The following TGFBR1 variants were observed in gnomAD, a reference collection of about 807,000 sequenced individuals.
TGFBR1 encodes transforming growth factor beta receptor 1.
A neutral mutation model predicts 55.1 loss-of-function variants in TGFBR1; 20 were observed. The observed-to-expected ratio is 0.36, with a 90% CI of 0.26 to 0.53. The LOEUF (loss-of-function observed/expected upper bound fraction) is 0.53, where lower values mean the gene tolerates loss of function less well. TGFBR1 is among the 20% of genes least tolerant of loss of function. The probability of loss-of-function intolerance (pLI) is 0.91; values close to 1 mark genes in which losing one functional copy is unlikely to be tolerated. For synonymous variants in TGFBR1, 220 were observed against 214.8 expected (o/e 1.02, Z -0.21); for missense variants, 385 against 617.6 (o/e 0.62, Z 3.99).
chr9:99,151,027 C>G lies in TGFBR1; in HGVS notation c.*1722C>G, dbSNP rs1395980617. 1 of 227,824 alleles carries G rather than the reference C, an allele frequency of 4.4e-6. No homozygotes were observed. The highest frequency in any genetic ancestry group is 2.2e-5 in the African/African-American group (1 of 45,042). 14.1% of individuals were successfully genotyped at this position (227,824 alleles called of 1,614,324 possible). A position where few individuals can be genotyped will look rare whatever the true frequency, so the allele number is the denominator to read the frequency against. The stretch of plus-strand genomic sequence containing the variant: ...CGATACAGGGTCAGAGTAACCCATA[C>G]AGTATTTTGGTCAGGAAGAGAAAGT... On this transcript the variant is annotated 3_prime_UTR_variant, in exon 9 of 9. Coordinates refer to ENST00000374994, the MANE Select transcript of TGFBR1 (RefSeq NM_004612.4).
intron 1 of TGFBR1, among the ~76,000 whole-genome samples, chr9:99,123,702 G>T (rs1257487211): frequency 6.6e-6 from 1 of 152,068 alleles, no homozygotes; most frequent in South Asian, 2.1e-4. Context: ...TTAATAAAAT[G>T]ACAGAACTGA....
At chr9:99,135,471 G>A (rs746576844) in intron 3 of TGFBR1, among the ~76,000 whole-genome samples, 2 of 152,162 alleles carry the variant, frequency 1.3e-5, no homozygotes, top group Admixed American at 6.5e-5. Context: ...ACTTAGTACC[G>A]TGACCATAAT....
At chr9:99,132,451 G>A (rs748733755) in intron 2 of TGFBR1, 58 bp from the exon 3 acceptor site, 21 of 1,605,692 alleles carry the variant, frequency 1.3e-5, no homozygotes, top group Non-Finnish European at 1.6e-5. Flanking sequence ...AATGGGGGTT[G>A]CCACCTACAG....
intron 3 of TGFBR1, among the ~76,000 whole-genome samples, chr9:99,133,174 A>T (rs1279106657): frequency 6.6e-6 from 1 of 152,238 alleles, no homozygotes; most frequent in Non-Finnish European, 1.5e-5. Context: ...ACAGAAATGT[A>T]TTCAGAATTG....
At chr9:99,103,756 C>T (rs1826328094), upstream of TGFBR1, among the ~76,000 whole-genome samples, 1 of 152,156 alleles carries the variant, frequency 6.6e-6, no homozygotes, top group Non-Finnish European at 1.5e-5. Context: ...GTGTCCTAGA[C>T]AGGAGGGAGA....
At chr9:99,130,011 A>G (rs993988422) in intron 2 of TGFBR1, among the ~76,000 whole-genome samples, 2 of 152,198 alleles carry the variant, frequency 1.3e-5, no homozygotes, top group Non-Finnish European at 2.9e-5. Flanking sequence ...GTCTGAGCAC[A>G]TGTATTTAAC....
Position 99,105,115 on chromosome 9 carries a change from C to T in TGFBR1, c.-91C>T, listed in dbSNP as rs11568745. The T allele has an allele frequency of 4.2e-4, 411 of 986,194 alleles. 3 individuals are homozygous for T. In the African/African-American group the frequency reaches 6.5e-3, roughly 16 times the overall value. 61.1% of individuals were successfully genotyped at this position (986,194 alleles called of 1,614,324 possible). On this transcript the variant is annotated 5_prime_UTR_variant, in exon 1 of 9. Transcript: ENST00000374994. ...AAGGGCCGGAGCGAGGCCGCCGCGG[C>T]GGCTAGGGAGGTGGGGCGAGGCGAG...
In TGFBR1 at chr9:99,154,089, G is replaced by A. The variant is rs200227864; in HGVS notation, c.*4784G>A. ...GATAGTTACTTCAATTTGAAGGCTGGATTTAGGGATTTTTTTTTTTCCTTA... is the reference window on the plus strand; with the variant it reads ...GATAGTTACTTCAATTTGAAGGCTGAATTTAGGGATTTTTTTTTTTCCTTA... On this transcript the variant is annotated 3_prime_UTR_variant, in exon 9 of 9. Coordinates refer to ENST00000374994, the MANE Select transcript of TGFBR1 (RefSeq NM_004612.4). 4.4e-6 allele frequency: 1 copy of A among 227,586 alleles called. No individual in the cohort carries two copies. Among genetic ancestry groups the A allele is most frequent in the Non-Finnish European group, 8.7e-6 (1 of 114,704 alleles). The allele number at this position is 227,586 out of a possible 1,614,324, so 14.1% of individuals were successfully genotyped here. A position where few individuals can be genotyped will look rare whatever the true frequency, so the allele number is the denominator to read the frequency against.
intron 1 of TGFBR1, among the ~76,000 whole-genome samples, chr9:99,118,647 T>C (rs10448292): frequency 0.2 from 29,362 of 146,388 alleles, 3,159 homozygotes; most frequent in Non-Finnish European, 0.25. Context: ...TTCTTTCTTT[T>C]TTTTTTTTTT....
Position 99,151,335 on chromosome 9 carries a change from C to G in TGFBR1, c.*2030C>G, listed in dbSNP as rs1257210003. The stretch of plus-strand genomic sequence containing the variant: ...TTGTTTTTATAGTTGTGTTGTATTA[C>G]TTGTTTAATAATAATCTCTAATTCT... On this transcript the variant is annotated 3_prime_UTR_variant, in exon 9 of 9. Transcript: ENST00000374994. 8.9e-6 allele frequency: 2 copies of G among 225,826 alleles called. No individual in the cohort carries two copies. Among genetic ancestry groups the G allele is most frequent in the African/African-American group, 4.5e-5 (2 of 44,026 alleles). The allele number at this position is 225,826 out of a possible 1,614,324, so 14.0% of individuals were successfully genotyped here. A position where few individuals can be genotyped will look rare whatever the true frequency, so the allele number is the denominator to read the frequency against.
intron 1 of TGFBR1, among the ~76,000 whole-genome samples, chr9:99,123,976 T>G (rs973952756): frequency 6.6e-6 from 1 of 152,212 alleles, no homozygotes; most frequent in African/African-American, 2.4e-5. Flanking sequence ...TATGTTTATT[T>G]TCCTGATGAA....
At chr9:99,114,099 T>C (rs1380206681) in intron 1 of TGFBR1, among the ~76,000 whole-genome samples, 1 of 152,214 alleles carries the variant, frequency 6.6e-6, no homozygotes, top group East Asian at 1.9e-4. Context: ...ATCTTGTTGC[T>C]CCTGTATTAT....
intron 3 of TGFBR1, among the ~76,000 whole-genome samples, chr9:99,136,380 CTTTTT>C (rs1193017798): frequency 6.6e-6 from 1 of 152,076 alleles, no homozygotes; most frequent in African/African-American, 2.4e-5. Flanking sequence ...ATTCCTTTTT[CTTTTT>C]TATTACTTGT....
chr9:99,134,438 C>T (rs549001352), intron 3 of TGFBR1, among the ~76,000 whole-genome samples: 1 of 152,214 alleles, frequency 6.6e-6, no homozygotes, highest in Non-Finnish European at 1.5e-5. Context: ...TTAGGCAGGC[C>T]TGGTGGACAG....
chr9:99,126,127 G>A (rs6478975), intron 1 of TGFBR1, among the ~76,000 whole-genome samples: 130 of 152,288 alleles, frequency 8.5e-4, no homozygotes, highest in African/African-American at 2.9e-3. Flanking sequence ...CAGATAAGAA[G>A]ATAGGTTTAA....
Position 99,152,555 on chromosome 9 carries a change from T to C in TGFBR1, c.*3250T>C, listed in dbSNP as rs199982490. The C allele has an allele frequency of 2.2e-5, 5 of 229,946 alleles. No individual in the cohort carries two copies. Among genetic ancestry groups the C allele is most frequent in the Non-Finnish European group, 3.5e-5 (4 of 115,690 alleles). 14.2% of individuals were successfully genotyped at this position (229,946 alleles called of 1,614,324 possible). On this transcript the variant is annotated 3_prime_UTR_variant, in exon 9 of 9. Coordinates refer to ENST00000374994, the MANE Select transcript of TGFBR1 (RefSeq NM_004612.4). ...GCATGAGTTACCTTTTTTCTCTATG[T>C]CTGAGAACTGTCAGATTAAAACAAG...
intron 5 of TGFBR1, among the ~76,000 whole-genome samples, chr9:99,142,911 TAGTC>T (rs1205148811): frequency 2.0e-5 from 3 of 151,892 alleles, no homozygotes; most frequent in African/African-American, 7.3e-5. Flanking sequence ...TACAAAAAAT[TAGTC>T]GGGCATGGTG....
At chr9:99,106,382 A>C (rs1240348408) in intron 1 of TGFBR1, among the ~76,000 whole-genome samples, 4 of 152,226 alleles carry the variant, frequency 2.6e-5, no homozygotes, top group Non-Finnish European at 5.9e-5. Context: ...TTAGCAACTA[A>C]AATGCAGTGA....
chr9:99,145,058 C>T (rs1359655166), intron 6 of TGFBR1, among the ~76,000 whole-genome samples, 170 bp downstream of exon 6: 1 of 152,162 alleles, frequency 6.6e-6, no homozygotes, highest in African/African-American at 2.4e-5. Context: ...AGTTACCTGA[C>T]TTAAAAAGAT....
Sources: gnomAD v4.1 joint callset for allele counts (sites outside exome capture counted in the v4.1 genomes callset) on GRCh38, gnomAD v4.1.1 for gene constraint, MANE v1.5 for transcripts, NCBI Gene and HGNC (gene_info 2026-07-23, HGNC 2026-07-21) for gene names.